The following VKORC1L1 variants were observed in gnomAD, a reference collection of about 807,000 sequenced individuals.
The protein encoded by VKORC1L1 is vitamin K epoxide reductase complex subunit 1L1.
In VKORC1L1, 2 loss-of-function variants were observed where a neutral mutation model predicts 18.9. The observed-to-expected ratio is 0.11, with a 90% CI of 0.04 to 0.33. VKORC1L1 has a LOEUF of 0.33. VKORC1L1 is among the 10% of genes least tolerant of loss of function. VKORC1L1 has a pLI of 1.00. For synonymous variants in VKORC1L1, 96 were observed against 100.0 expected, an observed-to-expected ratio of 0.96 and a Z score of 0.24; for missense variants, 123 against 224.1, an observed-to-expected ratio of 0.55 and a Z score of 2.88.
chr7:65,880,368 C>T (rs940110156), intron 1 of VKORC1L1, among the ~76,000 whole-genome samples: 16 of 152,236 alleles, frequency 1.1e-4, no homozygotes, highest in African/African-American at 3.8e-4. Context: ...AAGTAAGTTC[C>T]TGGAGTGTTT....
At chr7:65,876,359 G>A (rs1788826944) in intron 1 of VKORC1L1, among the ~76,000 whole-genome samples, 1 of 151,988 alleles carries the variant, frequency 6.6e-6, no homozygotes, top group Admixed American at 6.6e-5. Flanking sequence ...AAAACAAGCT[G>A]GGCGTGGTAG....
At chr7:65,945,470 G>A (rs1316289189) in intron 1 of VKORC1L1, among the ~76,000 whole-genome samples, 2 of 151,996 alleles carry the variant, frequency 1.3e-5, no homozygotes, top group Non-Finnish European at 2.9e-5. Flanking sequence ...AAATTAGCTG[G>A]GCATGGTGGT....
At chr7:65,878,075 A>G (rs2116324406) in intron 1 of VKORC1L1, among the ~76,000 whole-genome samples, 1 of 152,316 alleles carries the variant, frequency 6.6e-6, no homozygotes, top group East Asian at 1.9e-4. Context: ...ATGTCGGATT[A>G]CTACCTCTCC....
rs55803206 is a variant in VKORC1L1 at position 65,957,484 on chromosome 7, C to A, written c.*3184C>A. ...CAACAGAGCGAGACTGTCCCCCCCCCAAAAAAAAAAGAGAGAGACTGCATT... is the reference window on the plus strand; with the variant it reads ...CAACAGAGCGAGACTGTCCCCCCCCAAAAAAAAAAAGAGAGAGACTGCATT... On this transcript the variant is annotated 3_prime_UTR_variant, in exon 3 of 3. Transcript: ENST00000360768. The A allele has an allele frequency of 0.44, 64,003 of 143,934 alleles. 14,569 individuals carry two copies. The highest frequency in any genetic ancestry group is 0.71 in the East Asian group (3,538 of 4,950). The allele number at this position is 143,934 out of a possible 1,614,324, so 8.9% of individuals were successfully genotyped here. A position where few individuals can be genotyped will look rare whatever the true frequency, so the allele number is the denominator to read the frequency against.
chr7:65,883,848 C>G (rs987688355), intron 1 of VKORC1L1, among the ~76,000 whole-genome samples: 22 of 152,132 alleles, frequency 1.4e-4, no homozygotes, highest in African/African-American at 4.1e-4. Flanking sequence ...GAAAAATGTT[C>G]TTGTAGTGCA....
At chr7:65,893,207 AG>A (rs1487087620) in intron 1 of VKORC1L1, among the ~76,000 whole-genome samples, 1 of 152,050 alleles carries the variant, frequency 6.6e-6, no homozygotes, top group Admixed American at 6.5e-5. Context: ...AGCATATAAT[AG>A]ATTTCTTGTT....
intron 1 of VKORC1L1, among the ~76,000 whole-genome samples, chr7:65,878,153 A>G (rs1240105335): frequency 6.6e-6 from 1 of 152,150 alleles, no homozygotes; most frequent in African/African-American, 2.4e-5. Context: ...TAGAATTAGA[A>G]TAGAACCTAG....
In VKORC1L1 at chr7:65,883,773, C is replaced by T. The variant is rs1221578460; in HGVS notation, c.194+10208C>T. Among the ~76,000 whole-genome samples, 3 of 150,356 alleles carry T rather than the reference C, an allele frequency of 2.0e-5. No individual in the cohort carries two copies. In the East Asian group the frequency reaches 6.1e-4, roughly 31 times the overall value. ...TCGGCCTCCCAAAGTGCTGGGATTA[C>T]AGGTGCAAGCCACCACACCCAGCCT... On this transcript the variant is annotated intron_variant, in intron 1 of 2. Coordinates refer to ENST00000360768, the MANE Select transcript of VKORC1L1 (RefSeq NM_173517.6).
chr7:65,870,866 A>G (rs1443783289), upstream of VKORC1L1, among the ~76,000 whole-genome samples: 2 of 150,370 alleles, frequency 1.3e-5, no homozygotes, highest in Admixed American at 1.3e-4. Flanking sequence ...TTGCAGCCTC[A>G]ATCCACACCC....
At chr7:65,871,080 A>G (rs1788720167), upstream of VKORC1L1, among the ~76,000 whole-genome samples, 1 of 152,240 alleles carries the variant, frequency 6.6e-6, no homozygotes, top group Non-Finnish European at 1.5e-5. Context: ...GGGCAGAGCA[A>G]GGATGTTTTT....
intron 1 of VKORC1L1, among the ~76,000 whole-genome samples, chr7:65,895,508 TATATATATAC>T (rs1482085795): frequency 1.1e-4 from 10 of 92,740 alleles, no homozygotes; most frequent in African/African-American, 1.6e-4. Context: ...TATATATATA[TATATATATAC>T]ACACACACAC....
intron 1 of VKORC1L1, among the ~76,000 whole-genome samples, chr7:65,928,717 G>C (rs960107729): frequency 1.2e-4 from 19 of 152,136 alleles, no homozygotes; most frequent in African/African-American, 4.6e-4. Flanking sequence ...CAGGTTTTTG[G>C]GTGAGCATAA....
At chr7:65,935,545 G>A (rs1789929114) in intron 1 of VKORC1L1, among the ~76,000 whole-genome samples, 2 of 152,054 alleles carry the variant, frequency 1.3e-5, no homozygotes, top group Non-Finnish European at 2.9e-5. Flanking sequence ...TCCTGACCTC[G>A]TGATCCATCC....
chr7:65,928,187 A>G (rs7806717), intron 1 of VKORC1L1, among the ~76,000 whole-genome samples: 132,736 of 151,622 alleles, frequency 0.88, 58,251 homozygotes, highest in Non-Finnish European at 0.89. Context: ...TTAGAGAAAC[A>G]TGTATAGTCA....
intron 1 of VKORC1L1, among the ~76,000 whole-genome samples, chr7:65,939,920 G>A (rs1245990450): frequency 6.6e-6 from 1 of 152,100 alleles, no homozygotes; most frequent in Non-Finnish European, 1.5e-5. Context: ...TTTTAATGTA[G>A]ACTATTTTTG....
rs143825524 is a variant in VKORC1L1 at position 65,879,538 on chromosome 7, A to G, written c.194+5973A>G. Among the ~76,000 whole-genome samples the G allele has an allele frequency of 3.2e-3, 483 of 152,284 alleles. 2 individuals are homozygous for G. The highest frequency in any genetic ancestry group is 0.01 in the African/African-American group (433 of 41,556). On this transcript the variant is annotated intron_variant, in intron 1 of 2. Transcript: ENST00000360768. The stretch of plus-strand genomic sequence containing the variant: ...AGCTTTTATCACCATTTTACACATG[A>G]GAAAACTGAGCAACGCAGACTAACA...
rs1300243168 is a variant in VKORC1L1 at position 65,874,813 on chromosome 7, T to C, written c.194+1248T>C. Among the ~76,000 whole-genome samples the C allele has an allele frequency of 2.0e-5, 3 of 151,846 alleles. No homozygotes were observed. In the East Asian group the frequency reaches 5.8e-4, roughly 29 times the overall value. ...AGAATGAGACTCCATCTCAAATAAATAAATAAAATATAAATAAATAATTTT... is the reference window on the plus strand; with the variant it reads ...AGAATGAGACTCCATCTCAAATAAACAAATAAAATATAAATAAATAATTTT... On this transcript the variant is annotated intron_variant, in intron 1 of 2. Transcript: ENST00000360768.
rs13306976 is a variant in VKORC1L1 at position 65,946,670 on chromosome 7, A to G, written c.195-2001A>G. On this transcript the variant is annotated intron_variant, in intron 1 of 2. Transcript: ENST00000360768. ...TCTGGCATTTGTTTACCTGTTTATT[A>G]TTTCTCTTCCCTAAATAGAATTTAA... Among the ~76,000 whole-genome samples, 17 of 152,060 alleles carry G rather than the reference A, an allele frequency of 1.1e-4. No homozygotes were observed. The South Asian group carries it at 1.2e-3, about 11-fold the overall frequency.
chr7:65,903,967 A>T (rs1789363482), intron 1 of VKORC1L1, among the ~76,000 whole-genome samples: 1 of 152,158 alleles, frequency 6.6e-6, no homozygotes, highest in African/African-American at 2.4e-5. Context: ...TCTTTAAAAG[A>T]TGACTGCATT....
Sources: allele counts gnomAD v4.1 joint callset (sites outside exome capture counted in the v4.1 genomes callset), GRCh38; gene constraint gnomAD v4.1.1; transcripts MANE v1.5; gene names NCBI Gene and HGNC (gene_info 2026-07-23, HGNC 2026-07-21).